Variants in DACH2 observed in about 807,000 individuals in gnomAD.
The protein encoded by DACH2 is dachshund homolog 2.
Under a neutral mutation model 35.8 loss-of-function variants are expected in DACH2, and 17 were observed. That is an observed-to-expected ratio of 0.48 (90% CI 0.33 to 0.71). DACH2 has a LOEUF of 0.71. DACH2 is among the 30% of genes least tolerant of loss of function. The pLI, the probability that DACH2 is intolerant of heterozygous loss-of-function variation, is 0.02. For missense variants in DACH2, 469 were observed against 472.7 expected (o/e 0.99, Z 0.07); for synonymous variants, 195 against 177.3 (o/e 1.10, Z -0.79).
At chrX:86,651,423 G>C (rs770083525) in intron 4 of DACH2, among the ~76,000 whole-genome samples, 2 of 110,768 alleles carry the variant, frequency 1.8e-5, no homozygotes, top group Non-Finnish European at 3.8e-5. Flanking sequence ...TTCCTATAAT[G>C]TTAGCCATTG....
chrX:86,603,152 G>T (rs1310714044), intron 3 of DACH2, among the ~76,000 whole-genome samples: 1 of 110,814 alleles, frequency 9.0e-6, no homozygotes, highest in Non-Finnish European at 1.9e-5. Flanking sequence ...TTTGTAAGTG[G>T]CCTTTTCTTT....
At chrX:86,214,974 T>C (rs1237070213) in intron 1 of DACH2, among the ~76,000 whole-genome samples, 1 of 111,850 alleles carries the variant, frequency 8.9e-6, no homozygotes, top group African/African-American at 3.2e-5. Context: ...GAAGCATTTG[T>C]GATGTCAGGA....
intron 2 of DACH2, among the ~76,000 whole-genome samples, chrX:86,426,581 G>A (rs2148164620): frequency 9.0e-6 from 1 of 111,544 alleles, no homozygotes; most frequent in South Asian, 3.7e-4. Flanking sequence ...ATTTCTAGGT[G>A]CTTATGTGCA....
At chrX:86,423,811 C>A (rs2036846215) in intron 2 of DACH2, among the ~76,000 whole-genome samples, 1 of 110,782 alleles carries the variant, frequency 9.0e-6, no homozygotes, top group Admixed American at 9.6e-5. Flanking sequence ...TTTAGGTCTT[C>A]AATCCATTTT....
chrX:86,813,598 C>G (rs2147351577), intron 9 of DACH2, among the ~76,000 whole-genome samples: 1 of 105,126 alleles, frequency 9.5e-6, no homozygotes, highest in African/African-American at 3.4e-5. Flanking sequence ...GGCGACAGAG[C>G]AAGACTCCAT....
chrX:86,664,904 A>C (rs2040648813), intron 4 of DACH2, among the ~76,000 whole-genome samples: 1 of 112,072 alleles, frequency 8.9e-6, no homozygotes, highest in African/African-American at 3.2e-5. Context: ...AAAGGGGTAC[A>C]TCTTTTAGTC....
intron 7 of DACH2, among the ~76,000 whole-genome samples, chrX:86,747,852 G>A (rs1267400869): frequency 9.0e-6 from 1 of 111,577 alleles, no homozygotes; most frequent in Non-Finnish European, 1.9e-5. Flanking sequence ...CTGTTTGAAG[G>A]CATCTTACCT....
At chrX:86,174,119 GTTTT>G (rs140747201) in intron 1 of DACH2, among the ~76,000 whole-genome samples, 3 of 71,760 alleles carry the variant, frequency 4.2e-5, no homozygotes, top group African/African-American at 5.5e-5. Context: ...GAGTACAGTT[GTTTT>G]TTTTTTTTTT....
At chrX:86,630,767 T>C (rs2040191550) in intron 3 of DACH2, among the ~76,000 whole-genome samples, 1 of 109,997 alleles carries the variant, frequency 9.1e-6, no homozygotes, top group Non-Finnish European at 1.9e-5. Flanking sequence ...CTCAGCTCAC[T>C]GCAACTTCCG....
chrX:86,219,651 G>A (rs2032655934), intron 1 of DACH2, among the ~76,000 whole-genome samples: 1 of 111,194 alleles, frequency 9.0e-6, no homozygotes, highest in African/African-American at 3.3e-5. Context: ...CATTACATAG[G>A]TTGTCTTTTC....
At chrX:86,569,948 CAAAAG>C (rs1425617722) in intron 3 of DACH2, among the ~76,000 whole-genome samples, 2 of 111,242 alleles carry the variant, frequency 1.8e-5, no homozygotes, top group Non-Finnish European at 3.8e-5. Flanking sequence ...AGACATTTCT[CAAAAG>C]AAGACATTTA....
At chrX:86,547,890 C>A (rs1263372272) in intron 3 of DACH2, among the ~76,000 whole-genome samples, 1 of 112,153 alleles carries the variant, frequency 8.9e-6, no homozygotes, top group Non-Finnish European at 1.9e-5. Context: ...TCTTGTTACT[C>A]CCTGCACACA....
At chrX:86,680,369 A>G (rs763733887) in intron 4 of DACH2, among the ~76,000 whole-genome samples, 1 of 111,919 alleles carries the variant, frequency 8.9e-6, no homozygotes, top group Non-Finnish European at 1.9e-5. Context: ...CTATTAATGT[A>G]TTAAATTGCA....
intron 5 of DACH2, among the ~76,000 whole-genome samples, chrX:86,699,782 G>T (rs2041117886): frequency 9.0e-6 from 1 of 111,506 alleles, no homozygotes; most frequent in Non-Finnish European, 1.9e-5. Flanking sequence ...AGTTTCTCTA[G>T]TTGTGAGATT....
At chrX:86,790,046 CTG>C (rs990072394) in intron 7 of DACH2, among the ~76,000 whole-genome samples, 1 of 111,668 alleles carries the variant, frequency 9.0e-6, no homozygotes, top group Non-Finnish European at 1.9e-5. Context: ...CACATGTGTA[CTG>C]TGTTTCTTGG....
intron 1 of DACH2, among the ~76,000 whole-genome samples, chrX:86,287,333 G>T (rs1366310104): frequency 9.0e-6 from 1 of 111,169 alleles, no homozygotes; most frequent in Non-Finnish European, 1.9e-5. Context: ...TTAGGCCTTT[G>T]GGAGTTTGAT....
chrX:86,270,484 G>A (rs1188513938), intron 1 of DACH2, among the ~76,000 whole-genome samples: 2 of 111,238 alleles, frequency 1.8e-5, no homozygotes, highest in African/African-American at 6.5e-5. Flanking sequence ...AAAGACCTAC[G>A]AGTCAAGTGT....
At chrX:86,302,788 G>T (rs2034599271) in intron 1 of DACH2, among the ~76,000 whole-genome samples, 1 of 110,274 alleles carries the variant, frequency 9.1e-6, no homozygotes, top group Non-Finnish European at 1.9e-5. Context: ...GAATGCTCCA[G>T]AGTCAAATAT....
At chrX:86,156,549 A>G (rs1016256852) in intron 1 of DACH2, among the ~76,000 whole-genome samples, 8 of 111,765 alleles carry the variant, frequency 7.2e-5, no homozygotes, top group African/African-American at 2.6e-4. Context: ...ATCAAAATCT[A>G]ATATATGAAC....
Sources: allele counts gnomAD v4.1 joint callset (sites outside exome capture counted in the v4.1 genomes callset), GRCh38; gene constraint gnomAD v4.1.1; transcripts MANE v1.5; gene names NCBI Gene and HGNC (gene_info 2026-07-23, HGNC 2026-07-21).